Variants in ITGA9 observed in about 807,000 individuals in gnomAD.
ITGA9 encodes integrin subunit alpha 9.
A neutral mutation model predicts 127.8 loss-of-function variants in ITGA9; 56 were observed. That is an observed-to-expected ratio of 0.44 (90% confidence interval 0.35 to 0.55). ITGA9 has a LOEUF of 0.55. Among genes scored for constraint, ITGA9 ranks in the 20% least tolerant of loss-of-function variants. The pLI is 0.00. For synonymous variants in ITGA9, 508 were observed against 514.5 expected (o/e 0.99, Z 0.17); for missense variants, 1,196 against 1,347.1 (o/e 0.89, Z 1.76).
intron 18 of ITGA9, among the ~76,000 whole-genome samples, chr3:37,695,221 C>A (rs1248831606): frequency 6.6e-6 from 1 of 152,120 alleles, no homozygotes; most frequent in African/African-American, 2.4e-5. Context: ...GAAGTGTAGA[C>A]AGTGGGGCTT....
intron 12 of ITGA9, among the ~76,000 whole-genome samples, chr3:37,525,415 C>G (rs1333445996): frequency 6.6e-6 from 1 of 151,424 alleles, no homozygotes; most frequent in African/African-American, 2.4e-5. Flanking sequence ...TGAAGAAGGC[C>G]CTGGGGATAA....
intron 26 of ITGA9, among the ~76,000 whole-genome samples, chr3:37,800,952 G>T (rs1365569990): frequency 6.6e-6 from 1 of 152,026 alleles, no homozygotes; most frequent in Non-Finnish European, 1.5e-5. Flanking sequence ...GGAGTTCGAG[G>T]CCAGGAGTTC....
In ITGA9 at chr3:37,777,414, G is replaced by C. The variant is rs1252042315; in HGVS notation, c.2564G>C (p.Cys855Ser). 6.2e-7 allele frequency: 1 copy of C among 1,613,994 alleles called. No homozygotes were observed. The highest frequency in any genetic ancestry group is 8.5e-7 in the Non-Finnish European group (1 of 1,179,898). ...CAGGTGGGCCAAGAGAAGGGAAACT[G>C]CTCTTTCCAGAAAAACCCAACTCCC... ...EMVVGQEKGN[C>S]SFQKNPTPCI... Residue 855 changes from cysteine (C) to serine (S), a missense_variant, in exon 24 of 28, where the codon TGC becomes TCC. Transcript: ENST00000264741.
Position 37,580,966 on chromosome 3 carries a change from T to G in ITGA9, c.1689+38381T>G, listed in dbSNP as rs562442841. On this transcript the variant is annotated intron_variant, in intron 15 of 27. Coordinates refer to ENST00000264741, the MANE Select transcript of ITGA9 (RefSeq NM_002207.3). ...ATCTCACCTGGAACTTGAGGTTAAT[T>G]CCTGCTTCAAAGCGTTGTTAGGAAG... Among the ~76,000 whole-genome samples the G allele has an allele frequency of 4.0e-4, 61 of 152,312 alleles. 1 individual carries two copies. The Middle Eastern group carries it at 0.027, about 68-fold the overall frequency.
chr3:37,740,960 T>A (rs958415465), intron 20 of ITGA9, among the ~76,000 whole-genome samples: 23 of 152,160 alleles, frequency 1.5e-4, no homozygotes, highest in African/African-American at 5.3e-4. Flanking sequence ...GTAGGTTTGG[T>A]CAGGGCCTCT....
At chr3:37,647,843 TTATATATGTGTATA>T (rs1465827411) in intron 16 of ITGA9, among the ~76,000 whole-genome samples, 1 of 144,356 alleles carries the variant, frequency 6.9e-6, no homozygotes, top group East Asian at 2.1e-4. Context: ...CATTGTATGT[TTATATATGTGTATA>T]TATATATGTG....
chr3:37,722,775 A>G (rs1701203732), intron 18 of ITGA9, among the ~76,000 whole-genome samples: 3 of 152,330 alleles, frequency 2.0e-5, no homozygotes, highest in Admixed American at 6.5e-5. Context: ...TGCTGCTATC[A>G]ATATTTGTGT....
At chr3:37,507,150 T>C (rs999535503) in intron 7 of ITGA9, among the ~76,000 whole-genome samples, 2 of 152,106 alleles carry the variant, frequency 1.3e-5, no homozygotes, top group Non-Finnish European at 2.9e-5. Context: ...TGAAACCAGA[T>C]AAACCAGGGC....
At chr3:37,795,369 C>T (rs1294640124) in intron 26 of ITGA9, among the ~76,000 whole-genome samples, 1 of 152,164 alleles carries the variant, frequency 6.6e-6, no homozygotes, top group Non-Finnish European at 1.5e-5. Context: ...TTGCATTGAT[C>T]AGAACATAAA....
At chr3:37,719,748 C>A (rs1365842681) in intron 18 of ITGA9, among the ~76,000 whole-genome samples, 2 of 152,128 alleles carry the variant, frequency 1.3e-5, no homozygotes, top group Non-Finnish European at 2.9e-5. Flanking sequence ...AGCTTTCTCA[C>A]CCGTTGATGA....
At chr3:37,615,709 C>T (rs190357097) in intron 15 of ITGA9, among the ~76,000 whole-genome samples, 5 of 152,126 alleles carry the variant, frequency 3.3e-5, no homozygotes, top group Non-Finnish European at 5.9e-5. Context: ...GTGTATGTGT[C>T]GAGGAATGTA....
intron 16 of ITGA9, among the ~76,000 whole-genome samples, chr3:37,640,713 C>T (rs1206371863): frequency 3.9e-5 from 6 of 152,198 alleles, no homozygotes; most frequent in Non-Finnish European, 5.9e-5. Context: ...TCCAGAACCC[C>T]GGGGCTTCTT....
chr3:37,810,002 C>A (rs1697347223), intron 27 of ITGA9, among the ~76,000 whole-genome samples: 1 of 152,160 alleles, frequency 6.6e-6, no homozygotes, highest in Non-Finnish European at 1.5e-5. Context: ...TGAGTGTTAC[C>A]CAGCTGCCAC....
At chr3:37,611,715 G>C (rs969064280) in intron 15 of ITGA9, among the ~76,000 whole-genome samples, 1 of 152,066 alleles carries the variant, frequency 6.6e-6, no homozygotes, top group Admixed American at 6.6e-5. Context: ...TTTTGGTCAT[G>C]GTTCAGGATT....
chr3:37,604,872 G>C (rs929870408), intron 15 of ITGA9, among the ~76,000 whole-genome samples: 1 of 152,108 alleles, frequency 6.6e-6, no homozygotes, highest in Non-Finnish European at 1.5e-5. Context: ...AAGGCTCATG[G>C]GTGAGGCCTA....
At chr3:37,569,691 C>G (rs1191280817) in intron 15 of ITGA9, among the ~76,000 whole-genome samples, 1 of 152,142 alleles carries the variant, frequency 6.6e-6, no homozygotes. Flanking sequence ...GACATGACAC[C>G]ACAAGTGGAA....
chr3:37,716,002 T>A (rs1192071938), intron 18 of ITGA9, among the ~76,000 whole-genome samples: 1 of 152,212 alleles, frequency 6.6e-6, no homozygotes, highest in Non-Finnish European at 1.5e-5. Flanking sequence ...AAGGATGTGA[T>A]ATCAAGCAAA....
intron 27 of ITGA9, among the ~76,000 whole-genome samples, chr3:37,810,976 C>T (rs1052278658): frequency 1.3e-5 from 2 of 152,230 alleles, no homozygotes; most frequent in African/African-American, 2.4e-5. Flanking sequence ...CAGCTCCTGG[C>T]GGCCTTCAAG....
intron 8 of ITGA9, among the ~76,000 whole-genome samples, chr3:37,510,645 C>G (rs775462808): frequency 1.1e-4 from 16 of 152,188 alleles, no homozygotes; most frequent in Admixed American, 2.6e-4. Flanking sequence ...AGGACAGGTT[C>G]AGGCCTGAAT....
Sources: allele counts gnomAD v4.1 joint callset (sites outside exome capture counted in the v4.1 genomes callset), GRCh38; gene constraint gnomAD v4.1.1; transcripts MANE v1.5; gene names NCBI Gene and HGNC (gene_info 2026-07-23, HGNC 2026-07-21).